Variants in VTI1A observed in about 807,000 individuals in gnomAD.
The protein encoded by VTI1A is vesicle transport through interaction with t-SNAREs homolog 1A.
VTI1A carries 22 observed loss-of-function variants against 34.9 expected under a neutral mutation model. That is an observed-to-expected ratio of 0.63 (90% CI 0.45 to 0.90). The LOEUF (loss-of-function observed/expected upper bound fraction) is 0.90, where lower values mean the gene tolerates loss of function less well. VTI1A is among the 40% of genes least tolerant of loss of function. The pLI, the probability that VTI1A is intolerant of heterozygous loss-of-function variation, is 0.00. For synonymous variants in VTI1A, 87 were observed against 97.3 expected, an observed-to-expected ratio of 0.89 and a Z score of 0.62; for missense variants, 268 against 275.6, an observed-to-expected ratio of 0.97 and a Z score of 0.20.
At chr10:112,581,770 G>A (rs575629310) in intron 5 of VTI1A, among the ~76,000 whole-genome samples, 2 of 152,186 alleles carry the variant, frequency 1.3e-5, no homozygotes, top group African/African-American at 4.8e-5. Flanking sequence ...AATTGAAGAG[G>A]GAGGACACTA....
intron 1 of VTI1A, among the ~76,000 whole-genome samples, chr10:112,460,000 T>C (rs1046795093): frequency 6.6e-6 from 1 of 151,990 alleles, no homozygotes; most frequent in African/African-American, 2.4e-5. Context: ...AACCATTGAG[T>C]GAGATAGTAG....
At chr10:112,456,844 A>G (rs983740796) in intron 1 of VTI1A, among the ~76,000 whole-genome samples, 1 of 152,174 alleles carries the variant, frequency 6.6e-6, no homozygotes, top group Admixed American at 6.5e-5. Flanking sequence ...GCCGCTCAAG[A>G]CTTTGCTTTA....
In VTI1A at chr10:112,816,622, G is replaced by A. The variant is rs1853528840; in HGVS notation, c.*1239G>A. 1 of 226,864 alleles carries A rather than the reference G, an allele frequency of 4.4e-6. No individual in the cohort carries two copies. Among genetic ancestry groups the A allele is most frequent in the African/African-American group, 2.2e-5 (1 of 45,026 alleles). The allele number at this position is 226,864 out of a possible 1,614,324, so 14.1% of individuals were successfully genotyped here. ...GTGATCAGGCTTAAAAGTTGCCCAA[G>A]CTGAGGTCGTTTCCCCCCAGTCACA... On this transcript the variant is annotated 3_prime_UTR_variant, in exon 8 of 8. Transcript: ENST00000393077.
At chr10:112,589,796 C>A (rs1250252255) in intron 5 of VTI1A, among the ~76,000 whole-genome samples, 2 of 151,860 alleles carry the variant, frequency 1.3e-5, no homozygotes, top group African/African-American at 4.8e-5. Context: ...GGATTTAAAC[C>A]AGCAGTCTGA....
At chr10:112,822,177 G>A (rs1445987592), downstream of VTI1A, among the ~76,000 whole-genome samples, 1 of 152,088 alleles carries the variant, frequency 6.6e-6, no homozygotes, top group Non-Finnish European at 1.5e-5. Context: ...AGAGGGGCTT[G>A]GTTCCCTAGG....
intron 1 of VTI1A, among the ~76,000 whole-genome samples, chr10:112,458,621 G>T (rs1287328009): frequency 6.6e-6 from 1 of 151,084 alleles, no homozygotes; most frequent in Non-Finnish European, 1.5e-5. Context: ...TCTAATCATT[G>T]TTTTAGTGAA....
At chr10:112,459,472 T>C (rs1325482458) in intron 1 of VTI1A, among the ~76,000 whole-genome samples, 1 of 152,184 alleles carries the variant, frequency 6.6e-6, no homozygotes, top group Non-Finnish European at 1.5e-5. Context: ...GCCAGAGGAT[T>C]GAGTTACTGA....
At chr10:112,651,292 ATC>A (rs1261024866) in intron 5 of VTI1A, among the ~76,000 whole-genome samples, 1 of 152,204 alleles carries the variant, frequency 6.6e-6, no homozygotes, top group African/African-American at 2.4e-5. Flanking sequence ...TATTGCCATC[ATC>A]TCTCTTAGTG....
At chr10:112,821,919 G>A (rs919083806), downstream of VTI1A, among the ~76,000 whole-genome samples, 1 of 152,324 alleles carries the variant, frequency 6.6e-6, no homozygotes, top group East Asian at 1.9e-4. Context: ...AGGCCCCTGC[G>A]CAGTGACACC....
Position 112,669,477 on chromosome 10 carries a change from G to A in VTI1A, c.560+479G>A, listed in dbSNP as rs79233749. 4.6e-3 allele frequency among the ~76,000 whole-genome samples: 703 copies of A among 152,228 alleles called. 5 individuals are homozygous for A. The highest frequency in any genetic ancestry group is 0.015 in the African/African-American group (625 of 41,546). On this transcript the variant is annotated intron_variant, in intron 7 of 7. Coordinates refer to ENST00000393077, the MANE Select transcript of VTI1A (RefSeq NM_145206.4). ...TATACTTAAAGATGATTTATAAAAC[G>A]TCAAGATTATCTGAATAATATGTGC...
chr10:112,462,687 G>A (rs1274252390), intron 2 of VTI1A, among the ~76,000 whole-genome samples: 1 of 152,022 alleles, frequency 6.6e-6, no homozygotes, highest in Non-Finnish European at 1.5e-5. Context: ...ATAAATTGAA[G>A]CCTATTAATT....
At chr10:112,470,352 G>A (rs1848034497) in intron 3 of VTI1A, among the ~76,000 whole-genome samples, 1 of 152,188 alleles carries the variant, frequency 6.6e-6, no homozygotes, top group South Asian at 2.1e-4. Flanking sequence ...AATGTATTGT[G>A]TGCGTAAGTA....
At chr10:112,650,041 T>A (rs986587073) in intron 5 of VTI1A, among the ~76,000 whole-genome samples, 2 of 152,230 alleles carry the variant, frequency 1.3e-5, no homozygotes, top group Admixed American at 6.5e-5. Flanking sequence ...AATTTATTTT[T>A]AAAATGTTTT....
intron 5 of VTI1A, among the ~76,000 whole-genome samples, chr10:112,663,215 A>C (rs901638284): frequency 6.6e-6 from 1 of 152,172 alleles, no homozygotes; most frequent in Non-Finnish European, 1.5e-5. Flanking sequence ...GTAAGCCTAC[A>C]TCATCATTTA....
At chr10:112,842,050 CCTT>C in the VTI1A span, among the ~76,000 whole-genome samples, 32 of 93,140 alleles carry the variant, frequency 3.4e-4, 3 homozygotes, top group Admixed American at 6.6e-4. Context: ...TTTTTTTTTT[CCTT>C]TTTTTTTTTT....
the VTI1A span, chr10:112,832,551 G>C: frequency 6.6e-6 from 1 of 152,262 alleles, no homozygotes; most frequent in Non-Finnish European, 1.5e-5. Context: ...AAGAATGAAG[G>C]GCGGCACTGA....
rs780604794 is a variant in VTI1A, at chr10:112,447,354, C to G, written c.-20C>G. On this transcript the variant is annotated 5_prime_UTR_variant, in exon 1 of 8. Coordinates refer to ENST00000393077, the MANE Select transcript of VTI1A (RefSeq NM_145206.4). ...TCCCTGACCTAGGCTTTGGCCTGGG[C>G]TACTCGTTCCGGAGCCGCCATGTCG... 9.3e-6 allele frequency: 15 copies of G among 1,610,676 alleles called. No homozygotes were observed. In the East Asian group the frequency reaches 3.1e-4, roughly 34 times the overall value.
chr10:112,762,250 CAGATGCAGCTCTGTAGCTACAA>C, intron 7 of VTI1A, among the ~76,000 whole-genome samples: 2 of 152,198 alleles, frequency 1.3e-5, no homozygotes, highest in East Asian at 3.9e-4. Flanking sequence ...GCCAGTGTTT[CAGATGCAGCTCTGTAGCTACAA>C]GGTGTAAAGG....
intron 7 of VTI1A, among the ~76,000 whole-genome samples, chr10:112,744,402 C>T (rs1048556082): frequency 3.3e-5 from 5 of 151,344 alleles, no homozygotes; most frequent in Admixed American, 1.3e-4. Flanking sequence ...CAGATTCTGC[C>T]GGAAGTGATA....
Sources: gnomAD v4.1 joint callset for allele counts (sites outside exome capture counted in the v4.1 genomes callset) on GRCh38, gnomAD v4.1.1 for gene constraint, MANE v1.5 for transcripts, NCBI Gene and HGNC (gene_info 2026-07-23, HGNC 2026-07-21) for gene names.